Variants in NYNRIN observed in about 807,000 individuals in gnomAD.
NYNRIN encodes the protein protein NYNRIN.
Under a neutral mutation model 146.6 loss-of-function variants are expected in NYNRIN, and 86 were observed. That is an observed-to-expected ratio of 0.59 (90% CI 0.49 to 0.70). The LOEUF (loss-of-function observed/expected upper bound fraction) is 0.70. NYNRIN is among the 30% of genes least tolerant of loss of function. The pLI, the probability that NYNRIN is intolerant of heterozygous loss-of-function variation, is 0.00. For missense variants in NYNRIN, 2,191 were observed against 2,377.7 expected (o/e 0.92, Z 1.63); for synonymous variants, 1,027 against 1,001.3 (o/e 1.03, Z -0.48).
Position 24,409,254 on chromosome 14 carries a change from C to A in NYNRIN, c.1460C>A (p.Pro487His), listed in dbSNP as rs1157227112. ...ATAGGGCCACCCTTGACCTCTACACCCCAACTACAGGCTGGAGGTGAGCCG... is the reference window on the plus strand; with the variant it reads ...ATAGGGCCACCCTTGACCTCTACACACCAACTACAGGCTGGAGGTGAGCCG... ...PQIGPPLTSTPQLQAGGEPGD... is the reference protein window; with the variant it reads ...PQIGPPLTSTHQLQAGGEPGD... The change falls in exon 4 of 9, where the codon CCC (proline) becomes CAC (histidine). Residue 487 changes from proline to histidine, a missense_variant. Physicochemically the swap from Pro to His is moderately conservative, Grantham distance 77. Coordinates refer to ENST00000382554, the MANE Select transcript of NYNRIN (RefSeq NM_025081.3). 1 of 1,614,032 alleles carries A rather than the reference C, an allele frequency of 6.2e-7. No homozygotes were observed. The highest frequency in any genetic ancestry group is 8.5e-7 in the Non-Finnish European group (1 of 1,179,892).
rs575269008 is a variant in NYNRIN, at chr14:24,408,988, C to A, written c.1194C>A (p.Gly398=). 5 of 1,613,724 alleles carry A rather than the reference C, an allele frequency of 3.1e-6. No individual in the cohort carries two copies. The East Asian group carries it at 1.1e-4, about 36-fold the overall frequency. The change falls in exon 4 of 9, where the codon GGC becomes GGA. Residue 398 remains glycine (G), a synonymous_variant. Transcript: ENST00000382554. ...FNFPFWQRPL[G]PIQLKLPGQN... is the part of the protein sequence containing the mutation. ...TCCCCTTCTGGCAGAGACCTCTGGG[C>A]CCCATTCAGTTGAAGCTGCCAGGGC...
In NYNRIN at chr14:24,409,733, G is replaced by A. The variant is rs781268310; in HGVS notation, c.1939G>A (p.Ala647Thr). Residue 647 changes from alanine (A) to threonine (T), a missense_variant, in exon 4 of 9, where the codon GCC becomes ACC. Around this residue, in one of 3 missense-constraint regions of NYNRIN, gnomAD observed 895 missense variants for 941.2 expected, o/e 0.95. Coordinates refer to ENST00000382554, the MANE Select transcript of NYNRIN (RefSeq NM_025081.3). ...AGGTCCCAAAACACCCAAAGCTCAA[G>A]CCGGGCCTGCAGCTACAGTTTCCAA... ...PAGPKTPKAQ[A>T]GPAATVSKAP... 3.7e-6 allele frequency: 6 copies of A among 1,608,736 alleles called. No individual in the cohort carries two copies. The Admixed American group carries it at 8.4e-5, about 23-fold the overall frequency.
chr14:24,404,993 C>G (rs970673918), intron 2 of NYNRIN, among the ~76,000 whole-genome samples: 2 of 77,298 alleles, frequency 2.6e-5, no homozygotes, highest in Middle Eastern at 5.8e-3. Flanking sequence ...ACTTGCCAAG[C>G]CTGTGTGTGT....
chr14:24,402,344 C>A (rs2042849521), intron 2 of NYNRIN, among the ~76,000 whole-genome samples: 1 of 152,032 alleles, frequency 6.6e-6, no homozygotes. Context: ...CCTGCTCCAC[C>A]CTTCTCCCCT....
At position 24,399,371 on chromosome 14, in the gene NYNRIN, T is replaced by A. The variant is rs778894536; in HGVS notation, c.125T>A (p.Phe42Tyr). Residue 42 changes from phenylalanine to tyrosine, a missense_variant, in exon 2 of 9, where the codon TTC (phenylalanine) becomes TAC (tyrosine). This residue lies in a region of NYNRIN where 895 missense variants were observed against 941.2 expected (regional missense o/e 0.95). Transcript: ENST00000382554. ...ATCTTTAGGGTCAAGCTGAACGCCTTCCAGAGCCGCCCGGACACCCCCTAC... is the reference window on the plus strand; with the variant it reads ...ATCTTTAGGGTCAAGCTGAACGCCTACCAGAGCCGCCCGGACACCCCCTAC... ...QRIFRVKLNA[F>Y]QSRPDTPYFW... is the part of the protein sequence containing the mutation. 12 of 1,613,738 alleles carry A rather than the reference T, an allele frequency of 7.4e-6. No homozygotes were observed. The highest frequency in any genetic ancestry group is 9.3e-6 in the Non-Finnish European group (11 of 1,179,802).
chr14:24,413,421 A>G lies in NYNRIN; in HGVS notation c.2846+4A>G. On this transcript the variant is annotated splice_donor_region_variant and intron_variant, in intron 8 of 8. Transcript: ENST00000382554. The stretch of plus-strand genomic sequence containing the variant: ...AGTTTCTGAAGAAGCCAAACAGGTA[A>G]TAGGTCAGACCTCCCCAGCCTCCCA... 1.2e-6 allele frequency: 2 copies of G among 1,603,456 alleles called. No individual in the cohort carries two copies. The highest frequency in any genetic ancestry group is 2.2e-5 in the South Asian group (2 of 89,518).
chr14:24,405,023 TGTGTGAGA>T (rs751956958), intron 2 of NYNRIN, among the ~76,000 whole-genome samples: 3 of 88,856 alleles, frequency 3.4e-5, no homozygotes, highest in African/African-American at 4.8e-5. Flanking sequence ...TGTGTGTGTG[TGTGTGAGA>T]GAATGTGTGT....
rs141990505 is a variant in NYNRIN at position 24,400,790 on chromosome 14, T to C, written c.198+1346T>C. On this transcript the variant is annotated intron_variant, in intron 2 of 8. Coordinates refer to ENST00000382554, the MANE Select transcript of NYNRIN (RefSeq NM_025081.3). ...GGGACTCACACTTTCTTTTTCTTTT[T>C]TTTTTTTTTTTGAGATGAAGTTTCA... Among the ~76,000 whole-genome samples the C allele has an allele frequency of 9.7e-3, 1,474 of 151,302 alleles. 25 individuals carry two copies. The highest frequency in any genetic ancestry group is 0.033 in the African/African-American group (1,363 of 41,342).
rs1254651042 is a variant in NYNRIN, at chr14:24,407,874, C to T, written c.204C>T (p.Tyr68=). 2 of 1,602,436 alleles carry T rather than the reference C, an allele frequency of 1.2e-6. No individual in the cohort carries two copies. Among genetic ancestry groups the T allele is most frequent in the South Asian group, 1.1e-5 (1 of 90,002 alleles). The part of the protein sequence containing the change: ...PRENMGKAKE[Y]LKGLCSPELW... ...GTTCTCCCCATTGTGCCCAGGAATA[C>T]CTGAAGGGCCTGTGCAGCCCAGAGC... Residue 68 remains tyrosine, a synonymous_variant, in exon 3 of 9, where the codon TAC becomes TAT. Transcript: ENST00000382554.
Position 24,415,566 on chromosome 14 carries a change from G to C in NYNRIN, c.3817G>C (p.Ala1273Pro). Reference sequence around the variant, plus strand: ...CAAAGGCAAGAGGGCCCTGGAATTGGCCCTCCTCCAGGGCCTGCTGGGGGA... The same window carrying C: ...CAAAGGCAAGAGGGCCCTGGAATTGCCCCTCCTCCAGGGCCTGCTGGGGGA... ...QDKGKRALEL[A>P]LLQGLLGENR... The change falls in exon 9 of 9, where the codon GCC becomes CCC. Residue 1273 changes from alanine to proline, a missense_variant. By Grantham distance (27) the Ala-to-Pro change is conservative (BLOSUM62 -1). Around this residue, in one of 3 missense-constraint regions of NYNRIN, gnomAD observed 1,291 missense variants for 1,417.0 expected, o/e 0.91. Transcript: ENST00000382554. The C allele has an allele frequency of 6.2e-7, 1 of 1,613,868 alleles. No homozygotes were observed. The highest frequency in any genetic ancestry group is 8.5e-7 in the Non-Finnish European group (1 of 1,179,840).
In NYNRIN at chr14:24,408,272, A is replaced by G. The variant is rs747729947; in HGVS notation, c.602A>G (p.Asp201Gly). ...SLVRDAAGKE[D>G]IIEWLSRFGI... ...GTGCGGGATGCTGCGGGCAAGGAAG[A>G]CATCATCGAGTGGCTCAGCCGCTTC... Residue 201 changes from aspartate to glycine, a missense_variant, in exon 3 of 9, where the codon GAC (aspartate) becomes GGC (glycine). By Grantham distance (94) the Asp-to-Gly change is moderately conservative. Transcript: ENST00000382554. 1 of 1,611,552 alleles carries G rather than the reference A, an allele frequency of 6.2e-7. No homozygotes were observed. Among genetic ancestry groups the G allele is most frequent in the South Asian group, 1.1e-5 (1 of 91,090 alleles).
chr14:24,399,528 A>G (rs2042827559), intron 2 of NYNRIN, 84 bp downstream of exon 2: 1 of 1,241,192 alleles, frequency 8.1e-7, no homozygotes, highest in Non-Finnish European at 1.1e-6. Context: ...TGGTCCGCAG[A>G]GACACCACCC....
Position 24,408,221 on chromosome 14 carries a change from C to A in NYNRIN, c.551C>A (p.Ala184Glu), listed in dbSNP as rs760640899. Residue 184 changes from alanine (A) to glutamate (E), a missense_variant, in exon 3 of 9, where the codon GCG becomes GAG. By Grantham distance (107) the Ala-to-Glu change is moderately radical (BLOSUM62 -1). This residue lies in a region of NYNRIN where 895 missense variants were observed against 941.2 expected (regional missense o/e 0.95). Transcript: ENST00000382554. ...HAGDLLQLPP[A>E]VQELLLSLVR... Reference sequence around the variant, plus strand: ...GGGGACCTACTGCAGCTGCCCCCAGCGGTCCAGGAGCTGCTGCTGAGCCTG... The same window carrying A: ...GGGGACCTACTGCAGCTGCCCCCAGAGGTCCAGGAGCTGCTGCTGAGCCTG... 1 of 1,604,294 alleles carries A rather than the reference C, an allele frequency of 6.2e-7. No homozygotes were observed. The highest frequency in any genetic ancestry group is 1.3e-5 in the African/African-American group (1 of 74,938).
At position 24,413,336 on chromosome 14, in the gene NYNRIN, C is replaced by G; in HGVS notation, c.2765C>G (p.Ala922Gly). The G allele has an allele frequency of 6.2e-7, 1 of 1,612,826 alleles. No homozygotes were observed. Among genetic ancestry groups the G allele is most frequent in the South Asian group, 1.1e-5 (1 of 90,832 alleles). The change falls in exon 8 of 9, where the codon GCG becomes GGG. Residue 922 changes from alanine to glycine, a missense_variant. Ala to Gly is a moderately conservative substitution (Grantham distance 60). Coordinates refer to ENST00000382554, the MANE Select transcript of NYNRIN (RefSeq NM_025081.3). ...CCCAGCTTGCTGCCTTTCACCTTTGCGGGGAATCTCTTCATGGTGCCTGAT... is the reference window on the plus strand; with the variant it reads ...CCCAGCTTGCTGCCTTTCACCTTTGGGGGGAATCTCTTCATGGTGCCTGAT... ...VKDRLLPFTF[A>G]GNLFMVPDDP...
Position 24,416,201 on chromosome 14 carries a change from T to A in NYNRIN, c.4452T>A (p.Ser1484Arg). 1.2e-6 allele frequency: 2 copies of A among 1,613,904 alleles called. No homozygotes were observed. Among genetic ancestry groups the A allele is most frequent in the Non-Finnish European group, 1.7e-6 (2 of 1,179,876 alleles). The change falls in exon 9 of 9, where the codon AGT becomes AGA. Residue 1484 changes from serine (S) to arginine (R), a missense_variant. Physicochemically the swap from Ser to Arg is moderately radical, Grantham distance 110. This residue lies in a region of NYNRIN where 1,291 missense variants were observed against 1,417.0 expected (regional missense o/e 0.91). Coordinates refer to ENST00000382554, the MANE Select transcript of NYNRIN (RefSeq NM_025081.3). ...CCAATTTGCTGGCATTACAGCTGAG[T>A]GACAGCACCCTGGCCGACATCATTG... ...KRPNLLALQL[S>R]DSTLADIIAR...
intron 2 of NYNRIN, among the ~76,000 whole-genome samples, chr14:24,407,508 C>A (rs2042881825): frequency 6.6e-6 from 1 of 152,220 alleles, no homozygotes. Flanking sequence ...ACCTCAGGAG[C>A]ATCCAGTTTA....
chr14:24,399,121 G>T lies in NYNRIN; in HGVS notation c.-18+35G>T, dbSNP rs915543709. 6 of 880,178 alleles carry T rather than the reference G, an allele frequency of 6.8e-6. No individual in the cohort carries two copies. In the African/African-American group the frequency reaches 7.1e-5, roughly 10 times the overall value. The allele number at this position is 880,178 out of a possible 1,614,324, so 54.5% of individuals were successfully genotyped here. Reference sequence around the variant, plus strand: ...GCCGCCTGGAGGAAGGAGGCCGTGCGGGGGGCGCGCCGCGGGGAGGAGGGG... The same window carrying T: ...GCCGCCTGGAGGAAGGAGGCCGTGCTGGGGGCGCGCCGCGGGGAGGAGGGG... On this transcript the variant is annotated intron_variant, in intron 1 of 8. Transcript: ENST00000382554.
In NYNRIN at chr14:24,400,611, G is replaced by T. The variant is rs891039426; in HGVS notation, c.198+1167G>T. On this transcript the variant is annotated intron_variant, in intron 2 of 8. Transcript: ENST00000382554. ...ATTTTGACAGAGGTGCTAGGAGGGG[G>T]AAGGGGTGTCTTCCCAAAGAACATA... Among the ~76,000 whole-genome samples the T allele has an allele frequency of 6.6e-5, 10 of 152,140 alleles. 1 individual carries two copies. Among genetic ancestry groups the T allele is most frequent in the African/African-American group, 2.4e-4 (10 of 41,410 alleles).
At chr14:24,406,568 G>GT (rs1450934403) in intron 2 of NYNRIN, among the ~76,000 whole-genome samples, 2 of 152,248 alleles carry the variant, frequency 1.3e-5, no homozygotes, top group Non-Finnish European at 2.9e-5. Context: ...TGAGGAAGAA[G>GT]TTGCAGGTCT....
Sources: gnomAD v4.1 joint callset for allele counts (sites outside exome capture counted in the v4.1 genomes callset) on GRCh38, gnomAD v4.1.1 for gene constraint, gnomAD v4.1.1 regional missense constraint, MANE v1.5 for transcripts, NCBI Gene and HGNC (gene_info 2026-07-23, HGNC 2026-07-21) for gene names.